Variants in HEPACAM2 observed in about 807,000 individuals in gnomAD.
The protein encoded by HEPACAM2 is mitotic kinetics regulator.
HEPACAM2 carries 49 observed loss-of-function variants against 49.6 expected under a neutral mutation model. The observed-to-expected ratio is 0.99, with a 90% CI of 0.78 to 1.25. The LOEUF (loss-of-function observed/expected upper bound fraction) is 1.25, where lower values mean the gene tolerates loss of function less well. Ranked by LOEUF, HEPACAM2 falls within the 50% of genes most tolerant of loss-of-function variation. The pLI, the probability that HEPACAM2 is intolerant of heterozygous loss-of-function variation, is 0.00. For missense variants in HEPACAM2, 525 were observed against 557.2 expected (o/e 0.94, Z 0.58); for synonymous variants, 197 against 202.9 (o/e 0.97, Z 0.25).
At position 93,188,988 on chromosome 7, in the gene HEPACAM2, C is replaced by A. The variant is rs933675225; in HGVS notation, c.*279G>T. ...ATTTCATACAAAACTTATGAGGAAACCCCTGTCACTTTCGTTCTCCCCGTC... is the reference window on the plus strand; with the variant it reads ...ATTTCATACAAAACTTATGAGGAAAACCCTGTCACTTTCGTTCTCCCCGTC... On this transcript the variant is annotated 3_prime_UTR_variant, in exon 10 of 10. Coordinates refer to ENST00000394468, the MANE Select transcript of HEPACAM2 (RefSeq NM_001039372.4). The A allele has an allele frequency of 8.8e-6, 4 of 453,614 alleles. No homozygotes were observed. In the East Asian group the frequency reaches 1.0e-4, roughly 11 times the overall value. The allele number at this position is 453,614 out of a possible 1,614,324, so 28.1% of individuals were successfully genotyped here. A position where few individuals can be genotyped will look rare whatever the true frequency, so the allele number is the denominator to read the frequency against.
chr7:93,205,048 C>T (rs1334950302), intron 4 of HEPACAM2, among the ~76,000 whole-genome samples: 4 of 150,068 alleles, frequency 2.7e-5, no homozygotes, highest in African/African-American at 7.4e-5. Flanking sequence ...TGCAGTGAGC[C>T]GAGATTGTGC....
intron 1 of HEPACAM2, among the ~76,000 whole-genome samples, chr7:93,223,618 TAAATG>T (rs962554342): frequency 2.0e-5 from 3 of 152,174 alleles, no homozygotes; most frequent in South Asian, 2.1e-4. Context: ...GCTTTCTTAT[TAAATG>T]AAAAGTTTTT....
chr7:93,228,692 C>A (rs1461398386), upstream of HEPACAM2, among the ~76,000 whole-genome samples: 1 of 152,134 alleles, frequency 6.6e-6, no homozygotes, highest in Non-Finnish European at 1.5e-5. Context: ...TTACTGTTTA[C>A]CAATCTTAGT....
chr7:93,212,888 C>A (rs1794210540), intron 3 of HEPACAM2, among the ~76,000 whole-genome samples: 1 of 152,058 alleles, frequency 6.6e-6, no homozygotes, highest in African/African-American at 2.4e-5. Context: ...AAGATGAAAG[C>A]AGAAGGATAA....
intron 1 of HEPACAM2, among the ~76,000 whole-genome samples, chr7:93,224,695 G>T (rs1794508788): frequency 6.6e-6 from 1 of 152,154 alleles, no homozygotes; most frequent in Admixed American, 6.6e-5. Context: ...ATAAACATCA[G>T]ATTTCACAAA....
rs1487759571 is a variant in HEPACAM2 at position 93,219,273 on chromosome 7, C to A, written c.258G>T (p.Lys86Asn). The A allele has an allele frequency of 6.2e-7, 1 of 1,613,976 alleles. No individual in the cohort carries two copies. The highest frequency in any genetic ancestry group is 1.1e-5 in the South Asian group (1 of 91,072). ...GGTATTCCAAGTCAGGAACCACAGA[C>A]TTATTCACAGAGCCCAGTAAGTATT... Reference protein sequence around the residue: ...MPKYLLGSVNKSVVPDLEYQH... With the variant: ...MPKYLLGSVNNSVVPDLEYQH... Residue 86 changes from lysine (K) to asparagine (N), a missense_variant, in exon 2 of 10, where the codon AAG becomes AAT. By Grantham distance (94) the Lys-to-Asn change is moderately conservative. Coordinates refer to ENST00000394468, the MANE Select transcript of HEPACAM2 (RefSeq NM_001039372.4).
chr7:93,196,724 A>G (rs1793732346), intron 7 of HEPACAM2, among the ~76,000 whole-genome samples: 1 of 152,158 alleles, frequency 6.6e-6, no homozygotes, highest in Non-Finnish European at 1.5e-5. Context: ...CCTGAGCCAA[A>G]ACTTTGTTAA....
intron 4 of HEPACAM2, chr7:93,205,557 C>A (rs1794006717): frequency 6.6e-6 from 1 of 152,136 alleles, no homozygotes; most frequent in Non-Finnish European, 1.5e-5. Flanking sequence ...CTGGAAACAT[C>A]TCAAAAGCAG....
rs144013475 is a variant in HEPACAM2, at chr7:93,214,552, A to G, written c.715+849T>C. ...AAAGTTCAGTCTGTCAGCAAAAGAT[A>G]GATTCTGTAAAGTGTGAACTTACTC... On this transcript the variant is annotated intron_variant, in intron 3 of 9. Transcript: ENST00000394468. Among the ~76,000 whole-genome samples, 5 of 152,308 alleles carry G rather than the reference A, an allele frequency of 3.3e-5. No homozygotes were observed. The East Asian group carries it at 9.6e-4, about 29-fold the overall frequency.
chr7:93,189,311 A>C, intron 9 of HEPACAM2, 41 bp from the exon 10 acceptor site: 1 of 1,492,526 alleles, frequency 6.7e-7, no homozygotes, highest in Non-Finnish European at 9.1e-7. Context: ...AGTTCTATAG[A>C]TTTTTCAGGT....
chr7:93,199,213 G>A (rs1458238090), intron 4 of HEPACAM2, among the ~76,000 whole-genome samples: 1 of 151,960 alleles, frequency 6.6e-6, no homozygotes, highest in Non-Finnish European at 1.5e-5. Context: ...CCTGCTTATT[G>A]CCTTTAAACA....
intron 3 of HEPACAM2, among the ~76,000 whole-genome samples, chr7:93,212,803 G>C (rs1412473488): frequency 6.6e-6 from 1 of 152,052 alleles, no homozygotes; most frequent in Non-Finnish European, 1.5e-5. Flanking sequence ...GGGCAGCCTA[G>C]TACATTATTC....
At chr7:93,218,534 G>A (rs909519302) in intron 2 of HEPACAM2, among the ~76,000 whole-genome samples, 3 of 152,108 alleles carry the variant, frequency 2.0e-5, no homozygotes, top group Non-Finnish European at 4.4e-5. Flanking sequence ...AAATAAACAG[G>A]TGTAGAGATC....
Position 93,192,328 on chromosome 7 carries a change from T to A in HEPACAM2, c.1311A>T (p.Val437=). The A allele has an allele frequency of 6.2e-7, 1 of 1,612,746 alleles. No homozygotes were observed. Among genetic ancestry groups the A allele is most frequent in the Non-Finnish European group, 8.5e-7 (1 of 1,179,120 alleles). Residue 437 remains valine, a synonymous_variant, in exon 9 of 10, where the codon GTA becomes GTT. Coordinates refer to ENST00000394468, the MANE Select transcript of HEPACAM2 (RefSeq NM_001039372.4). ...PSRSVPASDC[V]SGQDLHSTVY... ...CTGTACTGTGCAAATCTTGCCCCGA[T>A]ACACAATCAGAGGCTGGAACAGACC...
chr7:93,189,463 A>G (rs1006622380), intron 9 of HEPACAM2, among the ~76,000 whole-genome samples, 193 bp from the exon 10 acceptor site: 1 of 152,028 alleles, frequency 6.6e-6, no homozygotes, highest in Non-Finnish European at 1.5e-5. Flanking sequence ...TAGATAATTT[A>G]CTTTCGAAAC....
intron 4 of HEPACAM2, among the ~76,000 whole-genome samples, chr7:93,198,220 C>G (rs146125564): frequency 6.6e-6 from 1 of 152,072 alleles, no homozygotes; most frequent in Admixed American, 6.6e-5. Flanking sequence ...CTAGAATTCA[C>G]TTTGTTTTAT....
intron 3 of HEPACAM2, among the ~76,000 whole-genome samples, chr7:93,209,870 A>AT (rs1794136085): frequency 6.6e-6 from 1 of 151,870 alleles, no homozygotes; most frequent in East Asian, 1.9e-4. Flanking sequence ...GGTGTTTGGT[A>AT]TTTTTACAAC....
intron 3 of HEPACAM2, among the ~76,000 whole-genome samples, chr7:93,209,607 C>T (rs1349929923): frequency 6.6e-6 from 1 of 151,890 alleles, no homozygotes; most frequent in African/African-American, 2.4e-5. Context: ...CACCACCCCA[C>T]TCTTCCCCAT....
chr7:93,229,904 TATTTC>T (rs1369552476), upstream of HEPACAM2, among the ~76,000 whole-genome samples: 1 of 152,244 alleles, frequency 6.6e-6, no homozygotes, highest in African/African-American at 2.4e-5. Context: ...AAGGTTCAAT[TATTTC>T]ATATAGTGTT....
Sources: allele counts gnomAD v4.1 joint callset (sites outside exome capture counted in the v4.1 genomes callset), GRCh38; gene constraint gnomAD v4.1.1; transcripts MANE v1.5; gene names NCBI Gene and HGNC (gene_info 2026-07-23, HGNC 2026-07-21).